The following INVS variants were observed in gnomAD, a reference collection of about 807,000 sequenced individuals.
INVS encodes the protein inversion of embryo turning homolog.
Under a neutral mutation model 108.8 loss-of-function variants are expected in INVS, and 86 were observed. The ratio of observed to expected loss-of-function variants is 0.79; its 90% confidence interval spans 0.66 to 0.95. The LOEUF (loss-of-function observed/expected upper bound fraction) is 0.95, where lower values mean the gene tolerates loss of function less well. Among genes scored for constraint, INVS ranks in the 40% least tolerant of loss-of-function variants. INVS has a pLI of 0.00. For synonymous variants in INVS, 455 were observed against 473.5 expected (o/e 0.96, Z 0.51); for missense variants, 1,169 against 1,297.4 (o/e 0.90, Z 1.52).
intron 3 of INVS, among the ~76,000 whole-genome samples, chr9:100,134,182 C>T (rs111401095): frequency 0.02 from 2,997 of 152,222 alleles, 113 homozygotes; most frequent in African/African-American, 0.068. Flanking sequence ...TCAGTGAGAA[C>T]ATATGATGTT....
chr9:100,114,721 A>T (rs763121935), intron 2 of INVS, among the ~76,000 whole-genome samples: 24 of 152,008 alleles, frequency 1.6e-4, no homozygotes, highest in Non-Finnish European at 3.4e-4. Context: ...GATTTCTTTC[A>T]CTTGACATAA....
rs758000543 is a variant in INVS at position 100,118,930 on chromosome 9, G to A, written c.107-7453G>A. On this transcript the variant is annotated intron_variant, in intron 2 of 16. Coordinates refer to ENST00000262457, the MANE Select transcript of INVS (RefSeq NM_014425.5). Reference sequence around the variant, plus strand: ...CCCACCTTGGCTTCCCAAAGTGCTCGGATTACAGGCATGAGCCACCATGCC... The same window carrying A: ...CCCACCTTGGCTTCCCAAAGTGCTCAGATTACAGGCATGAGCCACCATGCC... Among the ~76,000 whole-genome samples, 7 of 152,128 alleles carry A rather than the reference G, an allele frequency of 4.6e-5. No homozygotes were observed. The South Asian group carries it at 6.2e-4, about 14-fold the overall frequency.
intron 1 of INVS, among the ~76,000 whole-genome samples, chr9:100,100,682 T>TATACATATAATATATAC: frequency 3.2e-5 from 1 of 31,182 alleles, no homozygotes; most frequent in African/African-American, 2.5e-4. Context: ...GTACATATAA[T>TATACATATAATATATAC]ATATATATTA....
At chr9:100,216,349 T>G (rs1830987525) in intron 3 of INVS, among the ~76,000 whole-genome samples, 1 of 152,188 alleles carries the variant, frequency 6.6e-6, no homozygotes. Flanking sequence ...CTCCTGGAGC[T>G]GTCATTGAGG....
chr9:100,239,366 C>T (rs186224508), intron 5 of INVS, among the ~76,000 whole-genome samples: 3 of 152,188 alleles, frequency 2.0e-5, no homozygotes, highest in Admixed American at 2.0e-4. Context: ...GATACATGTC[C>T]GTTGCCATAA....
Position 100,246,749 on chromosome 9 carries a change from A to T in INVS, c.1040A>T (p.Asp347Val), listed in dbSNP as rs762751275. 4 of 1,614,058 alleles carry T rather than the reference A, an allele frequency of 2.5e-6. No homozygotes were observed. The highest frequency in any genetic ancestry group is 3.3e-5 in the Admixed American group (2 of 60,030). Residue 347 changes from aspartate to valine, a missense_variant, in exon 8 of 17, where the codon GAC (aspartate) becomes GTC (valine). This residue lies in a region of INVS where 271 missense variants were observed against 363.8 expected (regional missense o/e 0.74). Transcript: ENST00000262457. ...AGAACTATGCTGAGCTTAAAATCGG[A>T]CATAGATATTAACATGGCTGACAAA... The part of the protein sequence containing the change: ...VLRTMLSLKS[D>V]IDINMADKYG...
chr9:100,187,525 C>CTTTTTTTTTTT (rs34728274), intron 3 of INVS, among the ~76,000 whole-genome samples: 7,885 of 105,084 alleles, frequency 0.075, 1,099 homozygotes, highest in African/African-American at 0.18. Flanking sequence ...TCTATGATTT[C>CTTTTTTTTTTT]TTTTTTTTTT....
At chr9:100,219,156 C>A (rs751182105) in intron 3 of INVS, among the ~76,000 whole-genome samples, 4 of 151,848 alleles carry the variant, frequency 2.6e-5, no homozygotes, top group Non-Finnish European at 5.9e-5. Flanking sequence ...GAATTAGTAT[C>A]CAGAATACAT....
At chr9:100,237,208 C>G (rs959355228) in intron 5 of INVS, among the ~76,000 whole-genome samples, 42 of 152,150 alleles carry the variant, frequency 2.8e-4, no homozygotes, top group African/African-American at 8.7e-4. Context: ...ACCCCTCCCC[C>G]CACCACGCTC....
At chr9:100,201,551 C>T (rs796107871) in intron 3 of INVS, among the ~76,000 whole-genome samples, 1 of 152,164 alleles carries the variant, frequency 6.6e-6, no homozygotes, top group South Asian at 2.1e-4. Flanking sequence ...TCCATCTGCT[C>T]CCCAACCCCA....
rs964203610 is a variant in INVS at position 100,283,297 on chromosome 9, C to A, written c.1785-1023C>A. On this transcript the variant is annotated intron_variant, in intron 12 of 16. Coordinates refer to ENST00000262457, the MANE Select transcript of INVS (RefSeq NM_014425.5). ...GTGCACTCTAGCCTAGGTAAAAGAC[C>A]GTGTCTTTAAAAAGATAAATAAATA... Among the ~76,000 whole-genome samples the A allele has an allele frequency of 6.6e-5, 10 of 152,202 alleles. No homozygotes were observed. In the East Asian group the frequency reaches 1.9e-3, roughly 29 times the overall value.
At chr9:100,148,981 T>C (rs999435745) in intron 3 of INVS, among the ~76,000 whole-genome samples, 1 of 152,100 alleles carries the variant, frequency 6.6e-6, no homozygotes, top group Non-Finnish European at 1.5e-5. Flanking sequence ...CAGACTGCCA[T>C]GTATCAAATA....
chr9:100,175,679 C>A, intron 3 of INVS: 2 of 640,084 alleles, frequency 3.1e-6, no homozygotes, highest in Non-Finnish European at 3.0e-6. Context: ...TCTATTCTTC[C>A]TGCCTCCAAG....
At chr9:100,155,396 G>T (rs960484987) in intron 3 of INVS, among the ~76,000 whole-genome samples, 1 of 152,090 alleles carries the variant, frequency 6.6e-6, no homozygotes, top group African/African-American at 2.4e-5. Context: ...GAGTGTAGTG[G>T]TACAATCTTG....
chr9:100,286,275 C>T (rs186695218), intron 13 of INVS, among the ~76,000 whole-genome samples: 20 of 152,200 alleles, frequency 1.3e-4, no homozygotes, highest in Admixed American at 7.8e-4. Context: ...GACTACAGGC[C>T]GGGTGCAGTG....
At chr9:100,110,775 T>A (rs7847213) in intron 2 of INVS, among the ~76,000 whole-genome samples, 102,990 of 152,112 alleles carry the variant, frequency 0.68, 36,092 homozygotes, top group East Asian at 0.91. Context: ...AGCAAGGTGT[T>A]GGGGCAAGTC....
chr9:100,272,919 A>C lies in INVS; in HGVS notation c.1627A>C (p.Met543Leu). 1 of 1,614,126 alleles carries C rather than the reference A, an allele frequency of 6.2e-7. No homozygotes were observed. Among genetic ancestry groups the C allele is most frequent in the South Asian group, 1.1e-5 (1 of 91,070 alleles). Reference protein sequence around the residue: ...LGERHEVIQFMLEHGALSIAA... With the variant: ...LGERHEVIQFLLEHGALSIAA... Reference sequence around the variant, plus strand: ...TGAGCGCCATGAAGTGATCCAGTTCATGTTGGAGCACGGTGCCCTGTCCAT... The same window carrying C: ...TGAGCGCCATGAAGTGATCCAGTTCCTGTTGGAGCACGGTGCCCTGTCCAT... The change falls in exon 12 of 17, where the codon ATG becomes CTG. Residue 543 changes from methionine to leucine, a missense_variant. Physicochemically the swap from Met to Leu is conservative, Grantham distance 15 (BLOSUM62 2). Coordinates refer to ENST00000262457, the MANE Select transcript of INVS (RefSeq NM_014425.5).
intron 3 of INVS, among the ~76,000 whole-genome samples, chr9:100,144,916 C>T (rs1427957743): frequency 3.3e-5 from 5 of 151,966 alleles, no homozygotes; most frequent in African/African-American, 7.3e-5. Context: ...GAGGGAACAA[C>T]GTGTAGAAGA....
chr9:100,100,764 A>ATATATACATATATAATATATATAT (rs1826861585), intron 1 of INVS, among the ~76,000 whole-genome samples: 1 of 9,698 alleles, frequency 1.0e-4, no homozygotes, highest in Non-Finnish European at 1.3e-4. Flanking sequence ...AATATATATA[A>ATATATACATATATAATATATATAT]TATATGTATA....
Sources: gnomAD v4.1 joint callset for allele counts (sites outside exome capture counted in the v4.1 genomes callset) on GRCh38, gnomAD v4.1.1 for gene constraint, gnomAD v4.1.1 regional missense constraint, MANE v1.5 for transcripts, NCBI Gene and HGNC (gene_info 2026-07-23, HGNC 2026-07-21) for gene names.